ATM: variants seen among roughly 807,000 people sequenced by gnomAD.
ATM encodes ATM serine/threonine kinase.
Under a neutral mutation model 387.0 loss-of-function variants are expected in ATM, and 308 were observed. The observed-to-expected ratio is 0.80, with a 90% CI of 0.73 to 0.87. ATM has a LOEUF of 0.87. ATM is among the 40% of genes least tolerant of loss of function. The probability of loss-of-function intolerance (pLI) is 0.00; values close to 1 mark genes in which losing one functional copy is unlikely to be tolerated. For synonymous variants in ATM, 1,156 were observed against 1,187.3 expected, an observed-to-expected ratio of 0.97 and a Z score of 0.54; for missense variants, 3,312 against 3,560.9, an observed-to-expected ratio of 0.93 and a Z score of 1.78.
intron 22 of ATM, among the ~76,000 whole-genome samples, chr11:108,275,450 A>G (rs964520486): frequency 2.0e-5 from 3 of 152,140 alleles, no homozygotes; most frequent in Non-Finnish European, 4.4e-5. Context: ...CAGTTTCTTC[A>G]TAGTGTCAAT....
chr11:108,324,565 G>C (rs1166211602), intron 45 of ATM, among the ~76,000 whole-genome samples: 2 of 152,108 alleles, frequency 1.3e-5, no homozygotes, highest in Non-Finnish European at 2.9e-5. Context: ...GGGTCATTTA[G>C]AGAGGAATTG....
intron 37 of ATM, among the ~76,000 whole-genome samples, chr11:108,307,552 T>G (rs1312117414): frequency 6.6e-6 from 1 of 152,200 alleles, no homozygotes; most frequent in Non-Finnish European, 1.5e-5. Flanking sequence ...CATATTGTGT[T>G]GTAATGTCCC....
chr11:108,300,980 C>T (rs1056675233), intron 34 of ATM, among the ~76,000 whole-genome samples: 8 of 151,226 alleles, frequency 5.3e-5, no homozygotes, highest in Non-Finnish European at 1.5e-5. Context: ...GACTGTAACC[C>T]CAAATTCTTG....
intron 5 of ATM, among the ~76,000 whole-genome samples, chr11:108,236,932 G>A (rs894615083): frequency 6.6e-6 from 1 of 152,120 alleles, no homozygotes; most frequent in African/African-American, 2.4e-5. Flanking sequence ...TTTTAAGTCA[G>A]GTGTCAAAGT....
At chr11:108,255,869 T>A (rs2080442690) in intron 13 of ATM, among the ~76,000 whole-genome samples, 1 of 152,240 alleles carries the variant, frequency 6.6e-6, no homozygotes, top group Non-Finnish European at 1.5e-5. Flanking sequence ...TTTCTACTTG[T>A]GTTCTAAGAC....
At chr11:108,259,340 T>A (rs2080719583) in intron 16 of ATM, among the ~76,000 whole-genome samples, 1 of 151,980 alleles carries the variant, frequency 6.6e-6, no homozygotes, top group African/African-American at 2.4e-5. Flanking sequence ...ATACTAAAAA[T>A]TAGCCAGGCG....
Position 108,365,879 on chromosome 11 carries a change from A to C in ATM, c.*371A>C. On this transcript the variant is annotated 3_prime_UTR_variant, in exon 63 of 63. Transcript: ENST00000675843. ...CCCTGTCTCTACTAAAAATACAAAA[A>C]TTAGCCGAGCATGGTGGCGGGCACC... 4.7e-6 allele frequency: 1 copy of C among 214,320 alleles called. No homozygotes were observed. The highest frequency in any genetic ancestry group is 9.6e-6 in the Non-Finnish European group (1 of 104,636). The allele number at this position is 214,320 out of a possible 1,614,324, so 13.3% of individuals were successfully genotyped here. A position where few individuals can be genotyped will look rare whatever the true frequency, so the allele number is the denominator to read the frequency against.
At chr11:108,286,631 GT>G (rs1370585437) in intron 26 of ATM, among the ~76,000 whole-genome samples, 1 of 152,162 alleles carries the variant, frequency 6.6e-6, no homozygotes, top group Non-Finnish European at 1.5e-5. Context: ...AAGGGAGGGG[GT>G]TGCAAAGGGA....
chr11:108,331,259 C>T (rs1440889390), intron 50 of ATM, 185 bp from the exon 51 acceptor site: 1 of 1,335,350 alleles, frequency 7.5e-7, no homozygotes, highest in African/African-American at 1.5e-5. Context: ...ATGCATTAAT[C>T]TAGAGTACCC....
At chr11:108,236,531 A>AC (rs2079285454) in intron 5 of ATM, 2 of 108,588 alleles carry the variant, frequency 1.8e-5, no homozygotes. Flanking sequence ...CCCTGTTTCC[A>AC]TTTAAAAAAA....
At chr11:108,266,178 T>C (rs1195239816) in intron 16 of ATM, among the ~76,000 whole-genome samples, 7 of 148,054 alleles carry the variant, frequency 4.7e-5, no homozygotes, top group Non-Finnish European at 7.5e-5. Context: ...TAAAGACACA[T>C]GCACACGTAT....
At chr11:108,360,701 G>A (rs2090623073) in intron 61 of ATM, among the ~76,000 whole-genome samples, 3 of 145,192 alleles carry the variant, frequency 2.1e-5, no homozygotes, top group African/African-American at 7.7e-5. Flanking sequence ...AAAACCACAT[G>A]ATTATCTCAA....
intron 8 of ATM, 28 bp downstream of exon 8, chr11:108,247,155 A>C (rs551159454): frequency 6.2e-7 from 1 of 1,612,408 alleles, no homozygotes; most frequent in Middle Eastern, 1.7e-4. Flanking sequence ...TGTCACATTT[A>C]GAAATTTCCT....
intron 56 of ATM, among the ~76,000 whole-genome samples, chr11:108,341,965 G>A (rs227073): frequency 6.6e-6 from 1 of 151,988 alleles, no homozygotes; most frequent in Admixed American, 6.5e-5. Flanking sequence ...TTAAATTCCT[G>A]GGTATATACC....
Position 108,316,907 on chromosome 11 carries a change from T to C in ATM, c.6199-466T>C, listed in dbSNP as rs1184554013. Among the ~76,000 whole-genome samples the C allele has an allele frequency of 4.0e-5, 6 of 151,558 alleles. 1 individual carries two copies. The highest frequency in any genetic ancestry group is 3.9e-4 in the Admixed American group (6 of 15,226). On this transcript the variant is annotated intron_variant, in intron 42 of 62. Transcript: ENST00000675843. ...CGCCACTGCACTCCAGCCTGGGCAA[T>C]AGAGCGAGACTCCATCTCAAAAATA...
rs757944864 is a variant in ATM at position 108,229,238 on chromosome 11, A to G, written c.246A>G (p.Val82=). ...TECLRIAKPN[V]SASTQASRQK... ...GTCTGAGAATAGCAAAACCAAATGTATCAGCCTCAACACAAGCCTCCAGGC... is the reference window on the plus strand; with the variant it reads ...GTCTGAGAATAGCAAAACCAAATGTGTCAGCCTCAACACAAGCCTCCAGGC... The change falls in exon 4 of 63, where the codon GTA becomes GTG. Residue 82 remains valine (V), a synonymous_variant. Coordinates refer to ENST00000675843, the MANE Select transcript of ATM (RefSeq NM_000051.4). 5 of 1,613,652 alleles carry G rather than the reference A, an allele frequency of 3.1e-6. No homozygotes were observed. Among genetic ancestry groups the G allele is most frequent in the Non-Finnish European group, 3.4e-6 (4 of 1,179,768 alleles).
intron 56 of ATM, among the ~76,000 whole-genome samples, chr11:108,341,829 A>G (rs536768953): frequency 2.0e-5 from 3 of 152,248 alleles, no homozygotes; most frequent in Non-Finnish European, 2.9e-5. Context: ...AAGCCTGACA[A>G]TATTAAGTAT....
At chr11:108,263,755 G>C (rs375611384) in intron 16 of ATM, among the ~76,000 whole-genome samples, 1 of 142,756 alleles carries the variant, frequency 7.0e-6, no homozygotes, top group African/African-American at 2.6e-5. Context: ...AAGAAAAAAA[G>C]AGAGAAGAAT....
At chr11:108,324,616 A>G (rs2085474280) in intron 45 of ATM, among the ~76,000 whole-genome samples, 1 of 152,126 alleles carries the variant, frequency 6.6e-6, no homozygotes, top group Non-Finnish European at 1.5e-5. Context: ...TTCCTTCCCT[A>G]TCAAGCAACT....
Sources: gnomAD v4.1 joint callset for allele counts (sites outside exome capture counted in the v4.1 genomes callset) on GRCh38, gnomAD v4.1.1 for gene constraint, MANE v1.5 for transcripts, NCBI Gene and HGNC (gene_info 2026-07-23, HGNC 2026-07-21) for gene names.